The following KCNG3 variants were observed in gnomAD, a reference collection of about 807,000 sequenced individuals.
KCNG3 encodes the protein voltage-gated potassium channel regulatory subunit KCNG3.
A neutral mutation model predicts 29.0 loss-of-function variants in KCNG3; 15 were observed. The observed-to-expected ratio is 0.52, with a 90% CI of 0.35 to 0.80. The LOEUF (loss-of-function observed/expected upper bound fraction) is 0.80, where lower values mean the gene tolerates loss of function less well. Among genes scored for constraint, KCNG3 ranks in the 30% least tolerant of loss-of-function variants. KCNG3 has a pLI of 0.01. For synonymous variants in KCNG3, 322 were observed against 248.9 expected (o/e 1.29, Z -2.76); for missense variants, 512 against 605.7 (o/e 0.85, Z 1.62).
chr2:42,423,568 C>T, the KCNG3 span, among the ~76,000 whole-genome samples: 5 of 152,220 alleles, frequency 3.3e-5, no homozygotes, highest in African/African-American at 1.2e-4. Flanking sequence ...TGTCACAGAT[C>T]GTCAAGGGTC....
At chr2:42,461,447 C>T (rs1372327916) in intron 1 of KCNG3, among the ~76,000 whole-genome samples, 3 of 152,018 alleles carry the variant, frequency 2.0e-5, no homozygotes, top group Non-Finnish European at 4.4e-5. Context: ...TCACCAGAGC[C>T]AGGGAGTGTG....
the KCNG3 span, among the ~76,000 whole-genome samples, chr2:42,410,278 T>C: frequency 2.6e-5 from 4 of 152,326 alleles, no homozygotes; most frequent in East Asian, 5.8e-4. Flanking sequence ...CTTATATGTA[T>C]GTCAGTTCAT....
intron 1 of KCNG3, among the ~76,000 whole-genome samples, chr2:42,477,386 T>TACACACAC (rs1198473558): frequency 7.7e-5 from 8 of 103,398 alleles, no homozygotes; most frequent in African/African-American, 3.0e-4. Context: ...CACACATATA[T>TACACACAC]ATACACACAC....
At chr2:42,414,680 T>C in the KCNG3 span, among the ~76,000 whole-genome samples, 12 of 152,302 alleles carry the variant, frequency 7.9e-5, no homozygotes, top group African/African-American at 2.6e-4. Context: ...GTCTTCACTC[T>C]ATTATTTCCT....
chr2:42,480,220 G>C lies in KCNG3; in HGVS notation c.665+12617C>G, dbSNP rs148276388. ...CCTCAGTTGGATCCAAGGGCGCTTA[G>C]CATGGCTGGTTAGAAGACTAGAATC... On this transcript the variant is annotated intron_variant, in intron 1 of 1. Coordinates refer to ENST00000306078, the MANE Select transcript of KCNG3 (RefSeq NM_133329.6). 2.2e-3 allele frequency among the ~76,000 whole-genome samples: 325 copies of C among 150,280 alleles called. 1 individual carries two copies. The highest frequency in any genetic ancestry group is 7.3e-3 in the African/African-American group (304 of 41,452).
At chr2:42,473,286 T>C (rs1465690609) in intron 1 of KCNG3, among the ~76,000 whole-genome samples, 1 of 152,154 alleles carries the variant, frequency 6.6e-6, no homozygotes, top group African/African-American at 2.4e-5. Context: ...TTTATATGCC[T>C]GAAAGACTTT....
the KCNG3 span, among the ~76,000 whole-genome samples, chr2:42,417,548 C>T: frequency 6.6e-6 from 1 of 152,094 alleles, no homozygotes. Flanking sequence ...TCTTGAAATC[C>T]TGGGCTCAAG....
the KCNG3 span, among the ~76,000 whole-genome samples, chr2:42,423,219 C>A: frequency 9.2e-5 from 14 of 152,228 alleles, no homozygotes; most frequent in Non-Finnish European, 1.6e-4. Context: ...ATTATTGCTA[C>A]GGAAACCACT....
intron 1 of KCNG3, among the ~76,000 whole-genome samples, chr2:42,450,710 A>C (rs1403141025): frequency 1.3e-5 from 2 of 152,154 alleles, no homozygotes; most frequent in East Asian, 3.8e-4. Flanking sequence ...GATCCCTTTC[A>C]AGAAGTCTAT....
chr2:42,459,865 A>G (rs1453460113), intron 1 of KCNG3, among the ~76,000 whole-genome samples: 1 of 151,800 alleles, frequency 6.6e-6, no homozygotes, highest in Non-Finnish European at 1.5e-5. Flanking sequence ...AGTCCTAGCT[A>G]CTCGGGAGGC....
At chr2:42,428,393 A>G in the KCNG3 span, among the ~76,000 whole-genome samples, 1 of 148,774 alleles carries the variant, frequency 6.7e-6, no homozygotes, top group South Asian at 2.1e-4. Context: ...CCTGGGAGGC[A>G]GAGGTTGCGG....
chr2:42,414,454 T>G, the KCNG3 span, among the ~76,000 whole-genome samples: 2 of 152,250 alleles, frequency 1.3e-5, no homozygotes, highest in Non-Finnish European at 2.9e-5. Flanking sequence ...CATTCCTTTG[T>G]AGATAATCTG....
chr2:42,441,998 G>C (rs553691868), downstream of KCNG3: 23 of 151,782 alleles, frequency 1.5e-4, no homozygotes, highest in African/African-American at 5.3e-4. Context: ...CACATAAAGC[G>C]GTCCCAGTAC....
chr2:42,493,527 C>T lies in KCNG3; in HGVS notation c.-26G>A. 1.5e-6 allele frequency: 2 copies of T among 1,339,720 alleles called. No individual in the cohort carries two copies. Among genetic ancestry groups the T allele is most frequent in the Non-Finnish European group, 1.9e-6 (2 of 1,052,820 alleles). 83.0% of individuals were successfully genotyped at this position (1,339,720 alleles called of 1,614,324 possible). A position where few individuals can be genotyped will look rare whatever the true frequency, so the allele number is the denominator to read the frequency against. ...GGCTGGCCGCCCGGGGGACTTTCGG[C>T]CCGAGGGCCCCGCTGCAGCCCCCCA... is the stretch of plus-strand genomic sequence containing the variant. On this transcript the variant is annotated 5_prime_UTR_variant, in exon 1 of 2. Coordinates refer to ENST00000306078, the MANE Select transcript of KCNG3 (RefSeq NM_133329.6).
chr2:42,473,335 T>C (rs1673339244), intron 1 of KCNG3, among the ~76,000 whole-genome samples: 1 of 152,096 alleles, frequency 6.6e-6, no homozygotes, highest in African/African-American at 2.4e-5. Context: ...TCTACCATTG[T>C]AAAGCATGTT....
At chr2:42,419,219 C>CT in the KCNG3 span, among the ~76,000 whole-genome samples, 423 of 27,724 alleles carry the variant, frequency 0.015, 94 homozygotes, top group Admixed American at 0.021. Context: ...GATGGTATCT[C>CT]TTTTTTTTTT....
At chr2:42,474,735 T>A (rs1364700346) in intron 1 of KCNG3, among the ~76,000 whole-genome samples, 4 of 152,222 alleles carry the variant, frequency 2.6e-5, no homozygotes, top group Non-Finnish European at 5.9e-5. Context: ...TATCAAATCT[T>A]ACACTTAAGT....
the KCNG3 span, among the ~76,000 whole-genome samples, chr2:42,436,034 G>T: frequency 1.3e-5 from 2 of 152,112 alleles, no homozygotes; most frequent in African/African-American, 2.4e-5. Flanking sequence ...ACCCATACAA[G>T]GAAATATTAT....
the KCNG3 span, among the ~76,000 whole-genome samples, chr2:42,422,649 G>T: frequency 6.6e-6 from 1 of 152,174 alleles, no homozygotes; most frequent in Non-Finnish European, 1.5e-5. Flanking sequence ...CCTAAAGGCA[G>T]ACAATTAGAA....
Sources: gnomAD v4.1 joint callset for allele counts (sites outside exome capture counted in the v4.1 genomes callset) on GRCh38, gnomAD v4.1.1 for gene constraint, MANE v1.5 for transcripts, NCBI Gene and HGNC (gene_info 2026-07-23, HGNC 2026-07-21) for gene names.